Variants in ITPR2 observed in about 807,000 individuals in gnomAD.
ITPR2 encodes inositol 1,4,5-trisphosphate-gated calcium channel ITPR2.
Under a neutral mutation model 317.1 loss-of-function variants are expected in ITPR2, and 207 were observed. The ratio of observed to expected loss-of-function variants is 0.65; its 90% CI spans 0.58 to 0.73. ITPR2 has a LOEUF of 0.73. ITPR2 is among the 30% of genes least tolerant of loss of function. ITPR2 has a pLI of 0.00. For synonymous variants in ITPR2, 1,156 were observed against 1,149.1 expected, an observed-to-expected ratio of 1.01 and a Z score of -0.12; for missense variants, 2,613 against 3,284.0, an observed-to-expected ratio of 0.80 and a Z score of 4.99.
chr12:26,674,819 G>C lies in ITPR2; in HGVS notation c.1409+7055C>G, dbSNP rs527462016. ...TCATCTGACAAAGGGCTAATATCCA[G>C]AATCTACAATGAACTCCAACAAATT... On this transcript the variant is annotated intron_variant, in intron 13 of 56. Transcript: ENST00000381340. 5.1e-4 allele frequency among the ~76,000 whole-genome samples: 77 copies of C among 152,014 alleles called. 1 individual carries two copies. The highest frequency in any genetic ancestry group is 3.5e-3 in the Admixed American group (53 of 15,268).
At chr12:26,707,174 C>T (rs773344889) in intron 9 of ITPR2, among the ~76,000 whole-genome samples, 1 of 152,106 alleles carries the variant, frequency 6.6e-6, no homozygotes, top group Non-Finnish European at 1.5e-5. Flanking sequence ...CTTCCTTTGC[C>T]GTACCTGCAG....
chr12:26,768,391 G>A (rs1163112964), intron 2 of ITPR2, among the ~76,000 whole-genome samples: 4 of 138,168 alleles, frequency 2.9e-5, no homozygotes, highest in African/African-American at 1.1e-4. Flanking sequence ...ATGTGCACAT[G>A]TACCCTAAAA....
intron 47 of ITPR2, among the ~76,000 whole-genome samples, 182 bp from the exon 48 acceptor site, chr12:26,436,528 A>G (rs566205416): frequency 6.6e-6 from 1 of 152,334 alleles, no homozygotes; most frequent in East Asian, 1.9e-4. Flanking sequence ...TAAAGGAGTG[A>G]AATTTGATTT....
At chr12:26,811,056 A>C (rs942682331) in intron 1 of ITPR2, among the ~76,000 whole-genome samples, 1 of 149,598 alleles carries the variant, frequency 6.7e-6, no homozygotes, top group African/African-American at 2.5e-5. Context: ...AAAAAAAAAA[A>C]AAAACAGAAA....
chr12:26,695,831 A>C (rs771551658), intron 9 of ITPR2, among the ~76,000 whole-genome samples, 181 bp from the exon 10 acceptor site: 6 of 152,204 alleles, frequency 3.9e-5, no homozygotes, highest in Non-Finnish European at 7.3e-5. Context: ...TAGTTGCAGG[A>C]GACAAAAGCT....
At position 26,785,339 on chromosome 12, in the gene ITPR2, C is replaced by G. The variant is rs867655512; in HGVS notation, c.163+4818G>C. ...CCCCCGCCCGGCCAGCCGCCCCGTC[C>G]GGGAGGTGAGGGGCGCCTCTGCCCG... On this transcript the variant is annotated intron_variant, in intron 2 of 56. Transcript: ENST00000381340. 5.4e-3 allele frequency among the ~76,000 whole-genome samples: 175 copies of G among 32,636 alleles called. 11 individuals are homozygous for G. The highest frequency in any genetic ancestry group is 0.013 in the African/African-American group (171 of 13,656). The allele number at this position is 32,636 out of a possible 152,430, so 21.4% of individuals were successfully genotyped here. A position where few individuals can be genotyped will look rare whatever the true frequency, so the allele number is the denominator to read the frequency against.
At chr12:26,669,454 G>A (rs1178110558) in intron 13 of ITPR2, among the ~76,000 whole-genome samples, 1 of 152,156 alleles carries the variant, frequency 6.6e-6, no homozygotes, top group Non-Finnish European at 1.5e-5. Context: ...TATACCTTAA[G>A]TGTCAAATGA....
At chr12:26,662,016 T>C (rs1191965583) in intron 15 of ITPR2, among the ~76,000 whole-genome samples, 2 of 152,256 alleles carry the variant, frequency 1.3e-5, no homozygotes, top group Admixed American at 6.5e-5. Flanking sequence ...TGTTTATAAC[T>C]AGGATTATAT....
chr12:26,347,422 A>C (rs1204099856), intron 55 of ITPR2, among the ~76,000 whole-genome samples: 3 of 152,186 alleles, frequency 2.0e-5, no homozygotes, highest in Non-Finnish European at 4.4e-5. Flanking sequence ...AATGGCAGGC[A>C]CTTTTTAATC....
chr12:26,593,741 T>G (rs1406526365), intron 32 of ITPR2, among the ~76,000 whole-genome samples: 3 of 144,352 alleles, frequency 2.1e-5, no homozygotes, highest in African/African-American at 5.8e-5. Flanking sequence ...TTTTTTGTTT[T>G]TTTTTTTGTG....
At position 26,595,522 on chromosome 12, in the gene ITPR2, G is replaced by T; in HGVS notation, c.4323C>A (p.Ile1441=). The part of the protein sequence containing the change: ...YVDTEVEMKE[I]YTSNHIWKLF... ...ATTTCCAAATGTGGTTACTTGTATA[G>T]ATTTCTTTCATTTCCACTTCAGTGT... Residue 1441 remains isoleucine, a synonymous_variant, in exon 32 of 57, where the codon ATC becomes ATA. Transcript: ENST00000381340. 1.2e-6 allele frequency: 2 copies of T among 1,605,932 alleles called. No homozygotes were observed. The highest frequency in any genetic ancestry group is 1.7e-6 in the Non-Finnish European group (2 of 1,177,248).
chr12:26,368,873 C>T (rs1409231868), intron 55 of ITPR2, among the ~76,000 whole-genome samples: 1 of 152,070 alleles, frequency 6.6e-6, no homozygotes, highest in Non-Finnish European at 1.5e-5. Flanking sequence ...AACAAATATG[C>T]AACATGATGT....
chr12:26,553,865 T>C (rs905227701), intron 36 of ITPR2, among the ~76,000 whole-genome samples: 2 of 152,188 alleles, frequency 1.3e-5, no homozygotes, highest in Non-Finnish European at 1.5e-5. Context: ...AAACCCTTAG[T>C]TCTTCACAGA....
intron 55 of ITPR2, among the ~76,000 whole-genome samples, chr12:26,385,307 C>T (rs563139931): frequency 1.3e-5 from 2 of 152,280 alleles, no homozygotes; most frequent in Admixed American, 1.3e-4. Context: ...CAGCTTGCCT[C>T]CCTAACAAAG....
chr12:26,796,366 C>G (rs1288927121), intron 1 of ITPR2, among the ~76,000 whole-genome samples: 1 of 152,250 alleles, frequency 6.6e-6, no homozygotes, highest in African/African-American at 2.4e-5. Flanking sequence ...AAATGTTCAA[C>G]TTCATTTGTA....
At chr12:26,711,334 A>T in intron 8 of ITPR2, 66 bp from the exon 9 acceptor site, 1 of 1,031,544 alleles carries the variant, frequency 9.7e-7, no homozygotes, top group African/African-American at 1.6e-5. Context: ...AAACACCAAC[A>T]GTTTACATGC....
At chr12:26,355,124 C>T (rs144954278) in intron 55 of ITPR2, among the ~76,000 whole-genome samples, 79 of 152,294 alleles carry the variant, frequency 5.2e-4, no homozygotes, top group African/African-American at 1.9e-3. Context: ...GTGATGCATG[C>T]TAAAGTTTGA....
chr12:26,527,668 C>A (rs918148008), intron 37 of ITPR2, among the ~76,000 whole-genome samples: 1 of 152,134 alleles, frequency 6.6e-6, no homozygotes, highest in Non-Finnish European at 1.5e-5. Context: ...GATACCAATA[C>A]TAATGGTTTG....
In ITPR2 at chr12:26,537,529, G is replaced by C. The variant is rs73087234; in HGVS notation, c.5073+12718C>G. Among the ~76,000 whole-genome samples the C allele has an allele frequency of 2.1e-3, 327 of 152,228 alleles. 1 individual carries two copies. Among genetic ancestry groups the C allele is most frequent in the Non-Finnish European group, 3.8e-3 (261 of 68,026 alleles). On this transcript the variant is annotated intron_variant, in intron 37 of 56. Transcript: ENST00000381340. ...GAAAATAAAATCAACTCAATACCTG[G>C]GATGGAGTTATATAAGTACATGTCT...
Sources: gnomAD v4.1 joint callset for allele counts (sites outside exome capture counted in the v4.1 genomes callset) on GRCh38, gnomAD v4.1.1 for gene constraint, MANE v1.5 for transcripts, NCBI Gene and HGNC (gene_info 2026-07-23, HGNC 2026-07-21) for gene names.